Variants in NRG3 observed in about 807,000 individuals in gnomAD.
NRG3 encodes the protein neuregulin 3.
A neutral mutation model predicts 66.9 loss-of-function variants in NRG3; 31 were observed. The ratio of observed to expected loss-of-function variants is 0.46; its 90% confidence interval spans 0.35 to 0.63. NRG3 has a LOEUF of 0.63. Among genes scored for constraint, NRG3 ranks in the 20% least tolerant of loss-of-function variants. The pLI is 0.00. For missense variants in NRG3, 910 were observed against 878.9 expected (o/e 1.04, Z -0.45); for synonymous variants, 393 against 359.4 (o/e 1.09, Z -1.06).
At chr10:82,458,258 A>C (rs1290536997) in intron 2 of NRG3, among the ~76,000 whole-genome samples, 10 of 152,222 alleles carry the variant, frequency 6.6e-5, no homozygotes, top group Non-Finnish European at 5.9e-5. Context: ...AGGGTATATA[A>C]GTTCCTTGGA....
chr10:82,528,032 C>G (rs1023613224), intron 2 of NRG3, among the ~76,000 whole-genome samples: 1 of 152,036 alleles, frequency 6.6e-6, no homozygotes, highest in African/African-American at 2.4e-5. Flanking sequence ...TGTGGCACAC[C>G]CTCCTTTCCC....
At chr10:82,895,681 G>C (rs1334360117) in intron 4 of NRG3, among the ~76,000 whole-genome samples, 1 of 151,870 alleles carries the variant, frequency 6.6e-6, no homozygotes, top group Admixed American at 6.6e-5. Flanking sequence ...TAATAGAGAC[G>C]GTGTTTCACC....
intron 2 of NRG3, among the ~76,000 whole-genome samples, chr10:82,404,503 A>G (rs1002320845): frequency 4.6e-5 from 7 of 152,128 alleles, no homozygotes; most frequent in Non-Finnish European, 8.8e-5. Context: ...TTAGAACCAC[A>G]TTTTCTCACT....
At position 82,317,543 on chromosome 10, in the gene NRG3, T is replaced by G. The variant is rs150716146; in HGVS notation, c.824-41196T>G. Among the ~76,000 whole-genome samples the G allele has an allele frequency of 1.1e-3, 161 of 152,298 alleles. 1 individual carries two copies. The highest frequency in any genetic ancestry group is 3.6e-3 in the African/African-American group (150 of 41,556). Reference sequence around the variant, plus strand: ...TCAGTCTGTGCTGCTGCTCACTGATTGTTCTCTTTCTTACCTCTTCCTTGG... The same window carrying G: ...TCAGTCTGTGCTGCTGCTCACTGATGGTTCTCTTTCTTACCTCTTCCTTGG... On this transcript the variant is annotated intron_variant, in intron 1 of 8. Transcript: ENST00000372141.
intron 3 of NRG3, among the ~76,000 whole-genome samples, chr10:82,820,735 C>G (rs2061915536): frequency 6.6e-6 from 1 of 152,230 alleles, no homozygotes; most frequent in Non-Finnish European, 1.5e-5. Flanking sequence ...CTAGCTATTT[C>G]TAAGTGTTGA....
intron 2 of NRG3, among the ~76,000 whole-genome samples, chr10:82,421,252 T>G (rs1242420625): frequency 1.3e-5 from 2 of 152,156 alleles, no homozygotes; most frequent in African/African-American, 4.8e-5. Flanking sequence ...AACATCATGC[T>G]TGGTTTTCCA....
At chr10:82,711,682 A>G (rs1014318817) in intron 2 of NRG3, among the ~76,000 whole-genome samples, 5 of 152,060 alleles carry the variant, frequency 3.3e-5, no homozygotes, top group African/African-American at 1.2e-4. Context: ...CTTAAGTATT[A>G]TACTAATTCC....
At chr10:82,557,407 C>A (rs891217058) in intron 2 of NRG3, among the ~76,000 whole-genome samples, 7 of 152,000 alleles carry the variant, frequency 4.6e-5, no homozygotes, top group African/African-American at 1.4e-4. Flanking sequence ...GCTTTTTTTT[C>A]ATATGCTTAT....
chr10:81,992,458 G>T (rs2133584250), intron 1 of NRG3, among the ~76,000 whole-genome samples: 1 of 152,206 alleles, frequency 6.6e-6, no homozygotes, highest in East Asian at 1.9e-4. Context: ...CTGGGCATAA[G>T]AAACATATAT....
At chr10:82,565,029 T>C (rs1033847074) in intron 2 of NRG3, among the ~76,000 whole-genome samples, 17 of 152,148 alleles carry the variant, frequency 1.1e-4, no homozygotes, top group Non-Finnish European at 1.9e-4. Context: ...AAGAACACTG[T>C]TGGGAACGAG....
At chr10:82,268,007 G>A (rs2078392124) in intron 1 of NRG3, among the ~76,000 whole-genome samples, 1 of 152,060 alleles carries the variant, frequency 6.6e-6, no homozygotes, top group Admixed American at 6.5e-5. Flanking sequence ...AAAAGATGTA[G>A]TATGATAGCT....
intron 2 of NRG3, among the ~76,000 whole-genome samples, chr10:82,563,290 G>A (rs568716558): frequency 1.8e-4 from 28 of 151,994 alleles, no homozygotes; most frequent in Admixed American, 8.5e-4. Flanking sequence ...GTACATATGC[G>A]TGCTTAACAG....
At chr10:82,365,361 C>T (rs1430806508) in intron 2 of NRG3, among the ~76,000 whole-genome samples, 1 of 152,168 alleles carries the variant, frequency 6.6e-6, no homozygotes, top group African/African-American at 2.4e-5. Flanking sequence ...GGTGAAGAAC[C>T]TTAGAAGAAT....
chr10:82,061,548 G>C (rs181658549), intron 1 of NRG3, among the ~76,000 whole-genome samples: 3 of 152,198 alleles, frequency 2.0e-5, no homozygotes, highest in African/African-American at 7.2e-5. Flanking sequence ...CAGCTCCCGT[G>C]CTGTGGTCAT....
At chr10:82,909,018 A>G (rs536692775) in intron 4 of NRG3, among the ~76,000 whole-genome samples, 1 of 152,346 alleles carries the variant, frequency 6.6e-6, no homozygotes, top group South Asian at 2.1e-4. Context: ...CGTGGACCCC[A>G]TTAGCACTGT....
chr10:82,715,893 T>C (rs2056944670), intron 2 of NRG3, among the ~76,000 whole-genome samples: 2 of 152,142 alleles, frequency 1.3e-5, no homozygotes, highest in Non-Finnish European at 2.9e-5. Context: ...AACTTCTCCT[T>C]GTATCCTCAC....
chr10:82,219,002 A>T (rs2075815212), intron 1 of NRG3, among the ~76,000 whole-genome samples: 1 of 152,006 alleles, frequency 6.6e-6, no homozygotes, highest in East Asian at 1.9e-4. Flanking sequence ...TTTGTCCATT[A>T]TTAGAATTCT....
rs984065929 is a variant in NRG3 at position 82,099,026 on chromosome 10, A to G, written c.823+222863A>G. 2.6e-5 allele frequency among the ~76,000 whole-genome samples: 4 copies of G among 152,102 alleles called. No homozygotes were observed. The East Asian group carries it at 5.8e-4, about 22-fold the overall frequency. On this transcript the variant is annotated intron_variant, in intron 1 of 8. Transcript: ENST00000372141. The stretch of plus-strand genomic sequence containing the variant: ...GTGATCTGCCCGCATTGACCTCCCA[A>G]AGTGCTGGGATTACAGGCGTGAGCC...
chr10:82,388,952 A>AT (rs2086184462), intron 2 of NRG3, among the ~76,000 whole-genome samples: 8 of 152,154 alleles, frequency 5.3e-5, no homozygotes, highest in Admixed American at 5.2e-4. Flanking sequence ...GGGAATCTGC[A>AT]TTTTACAAAA....
Sources: gnomAD v4.1 joint callset for allele counts (sites outside exome capture counted in the v4.1 genomes callset) on GRCh38, gnomAD v4.1.1 for gene constraint, MANE v1.5 for transcripts, NCBI Gene and HGNC (gene_info 2026-07-23, HGNC 2026-07-21) for gene names.